Variants in DAB1 observed in about 807,000 individuals in gnomAD.
The protein encoded by DAB1 is disabled homolog 1.
Under a neutral mutation model 64.6 loss-of-function variants are expected in DAB1, and 15 were observed. That is an observed-to-expected ratio of 0.23 (90% CI 0.16 to 0.36). DAB1 has a LOEUF of 0.36. Among genes scored for constraint, DAB1 ranks in the 10% least tolerant of loss-of-function variants. The probability of loss-of-function intolerance (pLI) is 1.00; values close to 1 mark genes in which losing one functional copy is unlikely to be tolerated. For missense variants in DAB1, 596 were observed against 706.7 expected (o/e 0.84, Z 1.78); for synonymous variants, 235 against 251.9 (o/e 0.93, Z 0.64).
intron 2 of DAB1, among the ~76,000 whole-genome samples, chr1:57,245,919 A>G (rs1457191034): frequency 6.6e-6 from 1 of 152,204 alleles, no homozygotes; most frequent in East Asian, 1.9e-4. Context: ...TCTAAACAGC[A>G]AAGCATTCAA....
intron 9 of DAB1, among the ~76,000 whole-genome samples, chr1:57,027,253 C>G (rs1646820293): frequency 6.6e-6 from 1 of 152,044 alleles, no homozygotes; most frequent in African/African-American, 2.4e-5. Flanking sequence ...AGAAAGGAGC[C>G]CCAGGTCAGG....
chr1:58,071,403 T>TGTGTGTGTGTGTGG (rs879345033), intron 5 of DAB1: 2 of 148,832 alleles, frequency 1.3e-5, no homozygotes, highest in Non-Finnish European at 2.8e-5. Context: ...TGTGTGTGTG[T>TGTGTGTGTGTGTGG]GTGGGTGGGG....
At chr1:57,260,270 C>A (rs966363285) in intron 2 of DAB1, among the ~76,000 whole-genome samples, 2 of 152,270 alleles carry the variant, frequency 1.3e-5, no homozygotes, top group African/African-American at 4.8e-5. Flanking sequence ...ACCAAACAGT[C>A]CACCTAATAC....
At chr1:57,053,642 A>ATCTCTCTCTCTCTCTC (rs146813079) in intron 9 of DAB1, among the ~76,000 whole-genome samples, 9 of 126,312 alleles carry the variant, frequency 7.1e-5, no homozygotes, top group African/African-American at 2.8e-4. Context: ...CCATCTAAGA[A>ATCTCTCTCTCTCTCTC]TCTCTCTCTC....
chr1:57,474,901 T>C (rs1643915481), intron 7 of DAB1, among the ~76,000 whole-genome samples: 2 of 151,990 alleles, frequency 1.3e-5, no homozygotes, highest in Non-Finnish European at 2.9e-5. Flanking sequence ...AGAGAAGAAG[T>C]ATTGGGTCTA....
At chr1:57,168,342 T>C (rs1392925433) in intron 2 of DAB1, among the ~76,000 whole-genome samples, 2 of 152,212 alleles carry the variant, frequency 1.3e-5, no homozygotes, top group African/African-American at 4.8e-5. Context: ...GTGAACCCAA[T>C]AGATAAATTC....
chr1:58,132,095 C>A (rs1020454982), intron 5 of DAB1, among the ~76,000 whole-genome samples: 2 of 152,136 alleles, frequency 1.3e-5, no homozygotes, highest in Admixed American at 6.5e-5. Context: ...GACTGCTGGG[C>A]TAGCAATCAG....
At chr1:57,440,870 T>A (rs1685916127) in intron 7 of DAB1, among the ~76,000 whole-genome samples, 1 of 152,216 alleles carries the variant, frequency 6.6e-6, no homozygotes, top group Non-Finnish European at 1.5e-5. Flanking sequence ...TGTTTTTTTA[T>A]AATCTGATAT....
At position 57,016,496 on chromosome 1, in the gene DAB1, C is replaced by T. The variant is rs891730611; in HGVS notation, c.896-1065G>A. ...AGTCTCGGCACTCAGGAGGCTGAGG[C>T]GGGAGGATCACTTGAGCCCAAGAGT... On this transcript the variant is annotated intron_variant, in intron 11 of 14. Transcript: ENST00000371236. 1.5e-4 allele frequency among the ~76,000 whole-genome samples: 23 copies of T among 151,474 alleles called. 1 individual carries two copies. Among genetic ancestry groups the T allele is most frequent in the Middle Eastern group, 3.2e-3 (1 of 316 alleles).
chr1:58,183,987 C>T (rs1045005642), intron 4 of DAB1, among the ~76,000 whole-genome samples: 6 of 147,738 alleles, frequency 4.1e-5, no homozygotes, highest in East Asian at 4.2e-4. Flanking sequence ...CTTTTAACAA[C>T]GCCCCTGGAC....
At chr1:57,355,873 AAC>A (rs10529674) in intron 1 of DAB1, among the ~76,000 whole-genome samples, 8,027 of 146,000 alleles carry the variant, frequency 0.055, 222 homozygotes, top group East Asian at 0.13. Context: ...AACCTCAATA[AAC>A]ACACACACAC....
intron 2 of DAB1, among the ~76,000 whole-genome samples, chr1:57,270,548 A>G (rs1023692903): frequency 1.3e-5 from 2 of 152,152 alleles, no homozygotes; most frequent in Admixed American, 6.5e-5. Context: ...GCCCATATTC[A>G]CCACATTCAG....
At chr1:57,812,448 C>G (rs1446427034) in intron 6 of DAB1, among the ~76,000 whole-genome samples, 2 of 152,054 alleles carry the variant, frequency 1.3e-5, no homozygotes, top group Non-Finnish European at 2.9e-5. Flanking sequence ...TATATGCTTC[C>G]CTTGAGTGAA....
At position 58,379,503 on chromosome 1, in the gene DAB1, A is replaced by G. The variant is rs150078223; in HGVS notation, n.258-36100T>C. On this transcript the variant is annotated intron_variant and non_coding_transcript_variant, in intron 3 of 20. Transcript: ENST00000485760. Reference sequence around the variant, plus strand: ...TAATTAGCTAACCGTTTGTTTTAAGATAACAGGTTGAACAAAAATTCAAAG... The same window carrying G: ...TAATTAGCTAACCGTTTGTTTTAAGGTAACAGGTTGAACAAAAATTCAAAG... 2.5e-3 allele frequency among the ~76,000 whole-genome samples: 375 copies of G among 152,362 alleles called. 2 individuals carry two copies. Among genetic ancestry groups the G allele is most frequent in the Middle Eastern group, 6.8e-3 (2 of 294 alleles).
chr1:57,482,477 TAAAAAAAAAAAAAA>T (rs918167439), intron 7 of DAB1, among the ~76,000 whole-genome samples: 7 of 61,200 alleles, frequency 1.1e-4, no homozygotes, highest in Non-Finnish European at 2.4e-4. Flanking sequence ...CTGAAAGTTG[TAAAAAAAAAAAAAA>T]AAAAAAAAAA....
At chr1:57,546,045 G>A (rs1644852240) in intron 7 of DAB1, among the ~76,000 whole-genome samples, 1 of 151,420 alleles carries the variant, frequency 6.6e-6, no homozygotes, top group Non-Finnish European at 1.5e-5. Flanking sequence ...AATGAATAAA[G>A]CTAAGAGCTG....
chr1:57,237,470 T>C lies in DAB1; in HGVS notation c.67+53494A>G, dbSNP rs893048672. 2.6e-5 allele frequency among the ~76,000 whole-genome samples: 4 copies of C among 152,230 alleles called. No homozygotes were observed. In the South Asian group the frequency reaches 6.2e-4, roughly 24 times the overall value. On this transcript the variant is annotated intron_variant, in intron 2 of 14. Coordinates refer to ENST00000371236, the MANE Select transcript of DAB1 (RefSeq NM_001365792.1). Reference sequence around the variant, plus strand: ...TCTTTTCAGTATCAGAGCTCTGAAATAGATTTCCTTTCTCTCTCAGAATGT... The same window carrying C: ...TCTTTTCAGTATCAGAGCTCTGAAACAGATTTCCTTTCTCTCTCAGAATGT...
intron 2 of DAB1, among the ~76,000 whole-genome samples, chr1:57,280,842 A>G (rs918980290): frequency 2.6e-5 from 4 of 152,160 alleles, no homozygotes; most frequent in Non-Finnish European, 5.9e-5. Context: ...CCTTGTGCAA[A>G]TAATTCTCCC....
At chr1:57,361,230 CA>C (rs1190140029) in intron 1 of DAB1, among the ~76,000 whole-genome samples, 1 of 152,140 alleles carries the variant, frequency 6.6e-6, no homozygotes, top group African/African-American at 2.4e-5. Context: ...TGAATGTACT[CA>C]GTGTCTGGAT....
Sources: allele counts gnomAD v4.1 joint callset (sites outside exome capture counted in the v4.1 genomes callset), GRCh38; gene constraint gnomAD v4.1.1; transcripts MANE v1.5; gene names NCBI Gene and HGNC (gene_info 2026-07-23, HGNC 2026-07-21).